SUPT3H: variants seen among roughly 807,000 people sequenced by gnomAD.
SUPT3H encodes SPT3 homolog, SAGA and STAGA complex component.
SUPT3H carries 44 observed loss-of-function variants against 44.3 expected under a neutral mutation model. The observed-to-expected ratio is 0.99, with a 90% CI of 0.78 to 1.28. The LOEUF is 1.28. SUPT3H is among the 50% of genes most tolerant of loss of function. The pLI, the probability that SUPT3H is intolerant of heterozygous loss-of-function variation, is 0.00. For missense variants in SUPT3H, 380 were observed against 387.1 expected (o/e 0.98, Z 0.15); for synonymous variants, 124 against 125.6 (o/e 0.99, Z 0.09).
At chr6:45,344,714 C>A (rs1384045483) in intron 2 of SUPT3H, among the ~76,000 whole-genome samples, 1 of 151,846 alleles carries the variant, frequency 6.6e-6, no homozygotes, top group East Asian at 1.9e-4. Flanking sequence ...GCTAGGAAAG[C>A]CTAGAGAAAA....
chr6:45,187,376 T>C (rs1405972967), intron 2 of SUPT3H, among the ~76,000 whole-genome samples: 2 of 151,270 alleles, frequency 1.3e-5, no homozygotes, highest in Admixed American at 6.6e-5. Flanking sequence ...GATTGTGCCA[T>C]TGCACTCCAA....
At chr6:45,204,455 A>C (rs1342835758) in intron 2 of SUPT3H, among the ~76,000 whole-genome samples, 1 of 152,124 alleles carries the variant, frequency 6.6e-6, no homozygotes, top group Admixed American at 6.5e-5. Flanking sequence ...TACGAGGAAC[A>C]CTTATAAAGA....
At chr6:45,199,645 G>C (rs1340800796) in intron 2 of SUPT3H, among the ~76,000 whole-genome samples, 2 of 151,236 alleles carry the variant, frequency 1.3e-5, no homozygotes, top group Admixed American at 1.3e-4. Context: ...TAATTCTTCA[G>C]TAGTTTCACA....
intron 2 of SUPT3H, among the ~76,000 whole-genome samples, chr6:45,123,671 G>A (rs976042146): frequency 1.3e-5 from 2 of 152,028 alleles, no homozygotes; most frequent in Admixed American, 1.3e-4. Context: ...AAAACTATAG[G>A]TGTAATCCAA....
At chr6:45,104,436 A>C (rs1799002139) in intron 3 of SUPT3H, among the ~76,000 whole-genome samples, 1 of 152,084 alleles carries the variant, frequency 6.6e-6, no homozygotes, top group African/African-American at 2.4e-5. Flanking sequence ...GTGCCATTTC[A>C]TTCTAGCCTG....
At chr6:44,847,958 CTTTTTTTT>C (rs969869912) in intron 10 of SUPT3H, among the ~76,000 whole-genome samples, 49 of 58,390 alleles carry the variant, frequency 8.4e-4, no homozygotes, top group African/African-American at 3.1e-3. Flanking sequence ...ATCTCTGTGT[CTTTTTTTT>C]TTTTTTTTTT....
chr6:45,153,481 GA>G lies in SUPT3H; in HGVS notation c.102-47476del, dbSNP rs775196403. ...AAAGTAAAATTAATAAGGCAACAAG[GA>G]AAAGAAACTGATGACTCAACCTGCA... is the stretch of plus-strand genomic sequence containing the variant. On this transcript the variant is annotated intron_variant, in intron 2 of 10. Transcript: ENST00000371459. 2.6e-4 allele frequency among the ~76,000 whole-genome samples: 40 copies of G among 152,244 alleles called. 1 individual carries two copies. The highest frequency in any genetic ancestry group is 4.2e-4 in the South Asian group (2 of 4,818).
In SUPT3H at chr6:45,179,731, G is replaced by C. The variant is rs138438522; in HGVS notation, c.102-73725C>G. On this transcript the variant is annotated intron_variant, in intron 2 of 10. Coordinates refer to ENST00000371459, the MANE Select transcript of SUPT3H (RefSeq NM_003599.4). ...TTAGGGACGTATTTCAAAATAGTAAGAGCTATCTATGACAAACCCACAGCC... is the reference window on the plus strand; with the variant it reads ...TTAGGGACGTATTTCAAAATAGTAACAGCTATCTATGACAAACCCACAGCC... 1.9e-4 allele frequency among the ~76,000 whole-genome samples: 29 copies of C among 152,296 alleles called. No homozygotes were observed. The East Asian group carries it at 5.6e-3, about 29-fold the overall frequency.
At chr6:44,992,936 G>A (rs999757003) in intron 6 of SUPT3H, among the ~76,000 whole-genome samples, 1 of 152,094 alleles carries the variant, frequency 6.6e-6, no homozygotes, top group African/African-American at 2.4e-5. Flanking sequence ...GGCTAAGATG[G>A]GAGGATTGCT....
intron 2 of SUPT3H, among the ~76,000 whole-genome samples, chr6:45,143,791 C>T (rs1454424863): frequency 6.6e-6 from 1 of 151,790 alleles, no homozygotes; most frequent in Non-Finnish European, 1.5e-5. Flanking sequence ...AAAATAGATA[C>T]ACCAGTAAAA....
chr6:44,821,516 C>T (rs1767316723), intron 11 of SUPT3H, among the ~76,000 whole-genome samples: 1 of 152,006 alleles, frequency 6.6e-6, no homozygotes, highest in Admixed American at 6.6e-5. Flanking sequence ...TTTGGGAATG[C>T]TGAATTTACT....
chr6:44,952,677 T>A (rs998194186), intron 9 of SUPT3H, among the ~76,000 whole-genome samples: 1 of 152,242 alleles, frequency 6.6e-6, no homozygotes, highest in African/African-American at 2.4e-5. Context: ...TGCAATACAT[T>A]TCTGGTTTTG....
chr6:45,317,659 T>A (rs560032027), intron 2 of SUPT3H, among the ~76,000 whole-genome samples: 1 of 152,182 alleles, frequency 6.6e-6, no homozygotes, highest in African/African-American at 2.4e-5. Flanking sequence ...TAAAATTAGA[T>A]CCTTATCTAA....
At chr6:44,920,226 T>C (rs929522618) in intron 10 of SUPT3H, among the ~76,000 whole-genome samples, 2 of 151,760 alleles carry the variant, frequency 1.3e-5, no homozygotes, top group African/African-American at 4.8e-5. Flanking sequence ...ATATTAATAC[T>C]TTGCTTAAAA....
intron 2 of SUPT3H, among the ~76,000 whole-genome samples, chr6:45,295,468 A>C (rs1015719239): frequency 6.0e-5 from 9 of 151,222 alleles, no homozygotes; most frequent in Admixed American, 1.3e-4. Flanking sequence ...AAACAAATGC[A>C]ATAAGAACAA....
intron 2 of SUPT3H, among the ~76,000 whole-genome samples, chr6:45,154,082 A>AC (rs1316089331): frequency 2.1e-5 from 3 of 140,032 alleles, no homozygotes; most frequent in Non-Finnish European, 4.6e-5. Flanking sequence ...GAAAAAAAAA[A>AC]AAAAAAGCGC....
At chr6:45,046,303 T>G (rs1329368901) in intron 3 of SUPT3H, among the ~76,000 whole-genome samples, 1 of 152,110 alleles carries the variant, frequency 6.6e-6, no homozygotes, top group Admixed American at 6.6e-5. Flanking sequence ...TCTATCTTTA[T>G]GTCATTACCA....
At chr6:45,114,357 A>G (rs1225157910) in intron 2 of SUPT3H, among the ~76,000 whole-genome samples, 1 of 122,872 alleles carries the variant, frequency 8.1e-6, no homozygotes, top group African/African-American at 3.6e-5. Flanking sequence ...AATAATTTGT[A>G]TGTTAGAAAG....
chr6:44,970,196 A>C (rs1777373011), intron 6 of SUPT3H, among the ~76,000 whole-genome samples: 1 of 152,180 alleles, frequency 6.6e-6, no homozygotes, highest in South Asian at 2.1e-4. Context: ...TGTAGTTATT[A>C]AAATCAAACT....
Sources: gnomAD v4.1 joint callset for allele counts (sites outside exome capture counted in the v4.1 genomes callset) on GRCh38, gnomAD v4.1.1 for gene constraint, MANE v1.5 for transcripts, NCBI Gene and HGNC (gene_info 2026-07-23, HGNC 2026-07-21) for gene names.